SLC25A26: variants seen among roughly 807,000 people sequenced by gnomAD.
SLC25A26 encodes the protein solute carrier family 25 member 26.
In SLC25A26, 36 loss-of-function variants were observed where a neutral mutation model predicts 37.8. The observed-to-expected ratio is 0.95, with a 90% CI of 0.73 to 1.26. The LOEUF (loss-of-function observed/expected upper bound fraction) is 1.26, where lower values mean the gene tolerates loss of function less well. Ranked by LOEUF, SLC25A26 falls within the 50% of genes most tolerant of loss-of-function variation. The pLI, the probability that SLC25A26 is intolerant of heterozygous loss-of-function variation, is 0.00. For missense variants in SLC25A26, 390 were observed against 331.1 expected, an observed-to-expected ratio of 1.18 and a Z score of -1.38; for synonymous variants, 129 against 122.5, an observed-to-expected ratio of 1.05 and a Z score of -0.35.
chr3:66,307,894 G>A (rs1234202510), intron 5 of SLC25A26, among the ~76,000 whole-genome samples: 1 of 152,130 alleles, frequency 6.6e-6, no homozygotes, highest in Non-Finnish European at 1.5e-5. Flanking sequence ...GCTGTTTAGG[G>A]TTGCTGTAGC....
intron 1 of SLC25A26, among the ~76,000 whole-genome samples, chr3:66,184,929 G>T (rs2070796943): frequency 6.6e-6 from 1 of 152,056 alleles, no homozygotes; most frequent in Non-Finnish European, 1.5e-5. Context: ...TCATCAAACT[G>T]ACTATACTGA....
chr3:66,371,195 C>G, intron 9 of SLC25A26: 4 of 1,481,696 alleles, frequency 2.7e-6, no homozygotes, highest in Non-Finnish European at 3.6e-6. Context: ...GATGATTTTT[C>G]TCTTAGGGAC....
chr3:66,236,660 T>C lies in SLC25A26; in HGVS notation c.150T>C (p.Tyr50=). 1.3e-6 allele frequency: 2 copies of C among 1,528,296 alleles called. No homozygotes were observed. Among genetic ancestry groups the C allele is most frequent in the Non-Finnish European group, 1.8e-6 (2 of 1,140,712 alleles). The allele number at this position is 1,528,296 out of a possible 1,614,324, so 94.7% of individuals were successfully genotyped here. A position where few individuals can be genotyped will look rare whatever the true frequency, so the allele number is the denominator to read the frequency against. Residue 50 remains tyrosine, a synonymous_variant, in exon 2 of 10, where the codon TAT becomes TAC. Transcript: ENST00000354883. Reference sequence around the variant, plus strand: ...AGGCTGGTGGTTTTCATGGAATATATGCTGGCGTTCCTTCTGCTGCTATTG... The same window carrying C: ...AGGCTGGTGGTTTTCATGGAATATACGCTGGCGTTCCTTCTGCTGCTATTG... ...FSKAGGFHGI[Y]AGVPSAAIGS... is the part of the protein sequence containing the mutation.
intron 6 of SLC25A26, among the ~76,000 whole-genome samples, chr3:66,353,441 G>A (rs962760694): frequency 6.6e-6 from 1 of 152,172 alleles, no homozygotes. Context: ...GTACTAAGGA[G>A]TACAGCCAGG....
intron 1 of SLC25A26, among the ~76,000 whole-genome samples, chr3:66,165,216 G>A (rs1323087332): frequency 1.3e-5 from 2 of 152,260 alleles, no homozygotes; most frequent in Non-Finnish European, 2.9e-5. Context: ...CCAGTCATGC[G>A]AGTGAGCCGC....
chr3:66,342,387 A>C (rs1308574281), intron 5 of SLC25A26, among the ~76,000 whole-genome samples: 1 of 152,166 alleles, frequency 6.6e-6, no homozygotes, highest in Non-Finnish European at 1.5e-5. Context: ...TGCAGCTTAC[A>C]GTCAAGTCTT....
In SLC25A26 at chr3:66,352,427, T is replaced by TG. The variant is rs1180449482; in HGVS notation, c.498+6020dup. Among the ~76,000 whole-genome samples the TG allele has an allele frequency of 2.5e-4, 34 of 136,834 alleles. 1 individual carries two copies. The highest frequency in any genetic ancestry group is 9.7e-4 in the African/African-American group (34 of 34,992). The allele number at this position is 136,834 out of a possible 152,430, so 89.8% of individuals were successfully genotyped here. On this transcript the variant is annotated intron_variant, in intron 6 of 9. Coordinates refer to ENST00000354883, the MANE Select transcript of SLC25A26 (RefSeq NM_001379210.1). ...CTGCCTAGCGCCTCCCCTCGTTTTTTGTTTTTTGTTTTTTGTTTTTTTTTT... is the reference window on the plus strand; with the variant it reads ...CTGCCTAGCGCCTCCCCTCGTTTTTTGGTTTTTTGTTTTTTGTTTTTTTTTT...
At chr3:66,201,158 G>A (rs2071103356) in intron 1 of SLC25A26, among the ~76,000 whole-genome samples, 1 of 151,896 alleles carries the variant, frequency 6.6e-6, no homozygotes, top group South Asian at 2.1e-4. Context: ...AAGAAATGAG[G>A]CAAATAAGTT....
At chr3:66,364,750 T>A (rs1267147501) in intron 7 of SLC25A26, among the ~76,000 whole-genome samples, 1 of 152,242 alleles carries the variant, frequency 6.6e-6, no homozygotes, top group Non-Finnish European at 1.5e-5. Context: ...TTCATCTTCT[T>A]GATTGAGTGA....
chr3:66,266,761 G>A (rs1351250003), intron 5 of SLC25A26, among the ~76,000 whole-genome samples: 1 of 151,990 alleles, frequency 6.6e-6, no homozygotes, highest in Non-Finnish European at 1.5e-5. Flanking sequence ...ATGAGATGTG[G>A]TCAAGCATGC....
chr3:66,212,614 T>G (rs903486035), intron 1 of SLC25A26, among the ~76,000 whole-genome samples: 2 of 152,158 alleles, frequency 1.3e-5, no homozygotes, highest in Non-Finnish European at 2.9e-5. Context: ...CAATGAACAA[T>G]TCAATACTGT....
chr3:66,246,336 G>T (rs1385668941), intron 3 of SLC25A26, among the ~76,000 whole-genome samples: 1 of 152,144 alleles, frequency 6.6e-6, no homozygotes, highest in Non-Finnish European at 1.5e-5. Context: ...ATGTTGAAGG[G>T]CAGGCTTTCC....
At chr3:66,369,262 C>T (rs1202492193) in intron 7 of SLC25A26, among the ~76,000 whole-genome samples, 1 of 152,236 alleles carries the variant, frequency 6.6e-6, no homozygotes, top group South Asian at 2.1e-4. Context: ...TATTTTTCAC[C>T]TGAGTGGGTA....
chr3:66,259,431 T>A (rs1176527637), intron 3 of SLC25A26, among the ~76,000 whole-genome samples: 1 of 152,170 alleles, frequency 6.6e-6, no homozygotes, highest in Non-Finnish European at 1.5e-5. Context: ...CCCCCAGACT[T>A]CAACTCAGCC....
At chr3:66,337,500 A>G (rs904208891) in intron 5 of SLC25A26, among the ~76,000 whole-genome samples, 1 of 152,112 alleles carries the variant, frequency 6.6e-6, no homozygotes, top group African/African-American at 2.4e-5. Context: ...ATCTATTAAT[A>G]TATTAATCAA....
At chr3:66,262,238 A>G in intron 4 of SLC25A26, 83 bp downstream of exon 4, 1 of 661,900 alleles carries the variant, frequency 1.5e-6, no homozygotes. Context: ...TCATCCTAAG[A>G]GCCTTAGAGA....
At chr3:66,288,530 T>C (rs949734890) in intron 5 of SLC25A26, among the ~76,000 whole-genome samples, 3 of 152,180 alleles carry the variant, frequency 2.0e-5, no homozygotes, top group African/African-American at 7.2e-5. Flanking sequence ...CCTGTGTCAA[T>C]GTGTTCTCAT....
rs532106825 is a variant in SLC25A26 at position 66,294,679 on chromosome 3, T to G, written c.453+31300T>G. On this transcript the variant is annotated intron_variant, in intron 5 of 9. Coordinates refer to ENST00000354883, the MANE Select transcript of SLC25A26 (RefSeq NM_001379210.1). ...ATGAGTAGTCTTAGAATATCAGCAT[T>G]AAATAGAACTTTTAAAAAAATTCAT... 2.6e-5 allele frequency among the ~76,000 whole-genome samples: 4 copies of G among 152,266 alleles called. No homozygotes were observed. In the South Asian group the frequency reaches 8.3e-4, roughly 32 times the overall value.
At chr3:66,223,556 C>T (rs1319740621) in intron 1 of SLC25A26, among the ~76,000 whole-genome samples, 2 of 152,158 alleles carry the variant, frequency 1.3e-5, no homozygotes, top group African/African-American at 4.8e-5. Context: ...GTGAACACTC[C>T]TGAGGGAGTT....
Sources: allele counts gnomAD v4.1 joint callset (sites outside exome capture counted in the v4.1 genomes callset), GRCh38; gene constraint gnomAD v4.1.1; transcripts MANE v1.5; gene names NCBI Gene and HGNC (gene_info 2026-07-23, HGNC 2026-07-21).